The following PRORP variants were observed in gnomAD, a reference collection of about 807,000 sequenced individuals.
The protein encoded by PRORP is mitochondrial ribonuclease P catalytic subunit.
PRORP carries 51 observed loss-of-function variants against 59.4 expected under a neutral mutation model. The observed-to-expected ratio is 0.86, with a 90% CI of 0.69 to 1.08. The LOEUF (loss-of-function observed/expected upper bound fraction) is 1.08, where lower values mean the gene tolerates loss of function less well. Among genes scored for constraint, PRORP ranks in the 50% least tolerant of loss-of-function variants. The pLI is 0.00. For synonymous variants in PRORP, 231 were observed against 245.6 expected (o/e 0.94, Z 0.55); for missense variants, 646 against 690.3 (o/e 0.94, Z 0.72).
At chr14:35,178,270 C>T (rs1459578383) in intron 4 of PRORP, among the ~76,000 whole-genome samples, 1 of 152,028 alleles carries the variant, frequency 6.6e-6, no homozygotes, top group Admixed American at 6.6e-5. Flanking sequence ...CGCTTGATGC[C>T]GAGCTGAGTT....
intron 4 of PRORP, chr14:35,159,087 TG>T (rs1248546723): frequency 1.2e-4 from 24 of 207,212 alleles, no homozygotes; most frequent in African/African-American, 5.7e-4. Flanking sequence ...TAATCAGCAG[TG>T]GATCTCGCAC....
At chr14:35,238,543 A>G (rs2050279507) in intron 5 of PRORP, among the ~76,000 whole-genome samples, 1 of 152,206 alleles carries the variant, frequency 6.6e-6, no homozygotes, top group African/African-American at 2.4e-5. Flanking sequence ...ATGACAGTGG[A>G]ATCTAAAAAA....
chr14:35,153,768 T>G (rs182000992), intron 4 of PRORP, among the ~76,000 whole-genome samples: 1 of 152,286 alleles, frequency 6.6e-6, no homozygotes, highest in East Asian at 1.9e-4. Flanking sequence ...TCTGGAACAT[T>G]TTGGTATATG....
chr14:35,163,127 C>A (rs540819594), intron 4 of PRORP, among the ~76,000 whole-genome samples: 2 of 151,848 alleles, frequency 1.3e-5, no homozygotes, highest in Non-Finnish European at 2.9e-5. Flanking sequence ...TATTATAGGC[C>A]TCTGATAAAA....
chr14:35,165,750 G>A (rs1049199987), intron 4 of PRORP, among the ~76,000 whole-genome samples: 3 of 151,886 alleles, frequency 2.0e-5, no homozygotes, highest in Non-Finnish European at 2.9e-5. Flanking sequence ...CATGATCTTG[G>A]TTCACTGCAA....
At chr14:35,264,925 G>T (rs955167699) in intron 5 of PRORP, among the ~76,000 whole-genome samples, 4 of 152,170 alleles carry the variant, frequency 2.6e-5, no homozygotes, top group African/African-American at 9.7e-5. Flanking sequence ...GGAGGTGGAG[G>T]TTGCAGTGAA....
At chr14:35,190,718 A>T (rs866997915) in intron 5 of PRORP, among the ~76,000 whole-genome samples, 2 of 151,872 alleles carry the variant, frequency 1.3e-5, no homozygotes, top group African/African-American at 4.8e-5. Context: ...GTTGGCCAGG[A>T]TGGTCTCAAT....
At chr14:35,225,400 G>T (rs577418334) in intron 5 of PRORP, among the ~76,000 whole-genome samples, 46 of 152,084 alleles carry the variant, frequency 3.0e-4, no homozygotes, top group African/African-American at 1.0e-3. Context: ...AGGCTGGAGT[G>T]CAGTGGTGCG....
In PRORP at chr14:35,145,443, C is replaced by T. The variant is rs764550673; in HGVS notation, c.1167+17832C>T. On this transcript the variant is annotated intron_variant, in intron 4 of 7. Coordinates refer to ENST00000534898, the MANE Select transcript of PRORP (RefSeq NM_014672.4). The stretch of plus-strand genomic sequence containing the variant: ...ATAGCTATAAAGAAAGATAAAAGGC[C>T]GGGCGCAGTGGCTCACGCCTGTAAT... Among the ~76,000 whole-genome samples the T allele has an allele frequency of 1.7e-4, 24 of 142,612 alleles. 2 individuals carry two copies. The highest frequency in any genetic ancestry group is 1.5e-3 in the East Asian group (6 of 4,022). 93.6% of individuals were successfully genotyped at this position (142,612 alleles called of 152,430 possible). A position where few individuals can be genotyped will look rare whatever the true frequency, so the allele number is the denominator to read the frequency against.
intron 5 of PRORP, among the ~76,000 whole-genome samples, chr14:35,237,102 T>TTC (rs2050241729): frequency 7.3e-6 from 1 of 137,820 alleles, no homozygotes; most frequent in Non-Finnish European, 1.6e-5. Context: ...CTCTCTCTCT[T>TTC]TCTCTCTCTC....
intron 4 of PRORP, chr14:35,158,123 A>G: frequency 3.6e-6 from 1 of 277,704 alleles, no homozygotes; most frequent in Non-Finnish European, 7.1e-6. Flanking sequence ...CCTTCATTTC[A>G]AACACCTGCT....
chr14:35,139,410 CAA>C (rs58964615), intron 4 of PRORP, among the ~76,000 whole-genome samples: 18,167 of 145,138 alleles, frequency 0.13, 2,739 homozygotes, highest in Middle Eastern at 0.2. Flanking sequence ...GGATCACCCC[CAA>C]AAGTTTCCTC....
intron 4 of PRORP, among the ~76,000 whole-genome samples, chr14:35,136,084 G>A (rs971436164): frequency 6.6e-6 from 1 of 152,134 alleles, no homozygotes; most frequent in Non-Finnish European, 1.5e-5. Flanking sequence ...TGAGTCAGAC[G>A]GCTGCTGAGT....
chr14:35,175,951 C>G (rs112084634), intron 4 of PRORP, among the ~76,000 whole-genome samples: 61,295 of 151,844 alleles, frequency 0.4, 12,844 homozygotes, highest in East Asian at 0.69. Context: ...TTTCAGCTTT[C>G]TACATATGGC....
chr14:35,180,112 C>T (rs746100552), intron 4 of PRORP, among the ~76,000 whole-genome samples: 2 of 152,154 alleles, frequency 1.3e-5, no homozygotes, highest in Non-Finnish European at 2.9e-5. Context: ...CTCAGGGGTA[C>T]CCGGCCGTGT....
At chr14:35,194,407 A>G (rs2048958759) in intron 5 of PRORP, among the ~76,000 whole-genome samples, 2 of 152,202 alleles carry the variant, frequency 1.3e-5, no homozygotes, top group African/African-American at 4.8e-5. Context: ...GCTGGAAACC[A>G]TCATTCTCAG....
chr14:35,251,396 TCC>T (rs2050609691), intron 5 of PRORP, among the ~76,000 whole-genome samples: 1 of 152,138 alleles, frequency 6.6e-6, no homozygotes, highest in Admixed American at 6.5e-5. Context: ...CTTGACTAAG[TCC>T]CTAATTTCTC....
chr14:35,156,821 A>T (rs533367404), intron 4 of PRORP, among the ~76,000 whole-genome samples: 70 of 152,360 alleles, frequency 4.6e-4, no homozygotes, highest in Non-Finnish European at 7.9e-4. Context: ...AAATGAAAAG[A>T]ACTTATTCGC....
chr14:35,246,338 G>T (rs2050483456), intron 5 of PRORP, among the ~76,000 whole-genome samples: 1 of 152,114 alleles, frequency 6.6e-6, no homozygotes, highest in African/African-American at 2.4e-5. Flanking sequence ...TGAATCTTCA[G>T]ACTTCTATCT....
Sources: gnomAD v4.1 joint callset for allele counts (sites outside exome capture counted in the v4.1 genomes callset) on GRCh38, gnomAD v4.1.1 for gene constraint, MANE v1.5 for transcripts, NCBI Gene and HGNC (gene_info 2026-07-23, HGNC 2026-07-21) for gene names.